PLCL1: variants seen among roughly 807,000 people sequenced by gnomAD.
PLCL1 encodes the protein inactive phospholipase C-like protein 1.
Under a neutral mutation model 84.4 loss-of-function variants are expected in PLCL1, and 41 were observed. The ratio of observed to expected loss-of-function variants is 0.49; its 90% CI spans 0.38 to 0.63. The LOEUF (loss-of-function observed/expected upper bound fraction) is 0.63. Among genes scored for constraint, PLCL1 ranks in the 30% least tolerant of loss-of-function variants. PLCL1 has a pLI of 0.00. For missense variants in PLCL1, 1,206 were observed against 1,367.8 expected, an observed-to-expected ratio of 0.88 and a Z score of 1.87; for synonymous variants, 490 against 488.3, an observed-to-expected ratio of 1.00 and a Z score of -0.05.
At position 198,009,838 on chromosome 2, in the gene PLCL1, AT is replaced by A. The variant is rs369218098; in HGVS notation, c.241-73919del. Among the ~76,000 whole-genome samples, 45 of 151,996 alleles carry A rather than the reference AT, an allele frequency of 3.0e-4. 1 individual carries two copies. The highest frequency in any genetic ancestry group is 1.1e-3 in the African/African-American group (44 of 41,514). ...ATGGGATGTCTTTCCATTTACTTGT[AT>A]CTTCTTTGATTTCTTTTTGCAATGT... On this transcript the variant is annotated intron_variant, in intron 1 of 5. Transcript: ENST00000428675.
At position 198,137,660 on chromosome 2, in the gene PLCL1, A is replaced by C. The variant is rs1694286795; in HGVS notation, c.3106-9120A>C. Among the ~76,000 whole-genome samples, 3 of 152,288 alleles carry C rather than the reference A, an allele frequency of 2.0e-5. No homozygotes were observed. In the South Asian group the frequency reaches 6.2e-4, roughly 32 times the overall value. On this transcript the variant is annotated intron_variant, in intron 5 of 5. Coordinates refer to ENST00000428675, the MANE Select transcript of PLCL1 (RefSeq NM_006226.4). The stretch of plus-strand genomic sequence containing the variant: ...ATCATAAGATGCCAAGAAATAAATG[A>C]AGATGCCTGCTCATCTTGCAAATCA...
chr2:197,995,760 C>G (rs1457405373), intron 1 of PLCL1, among the ~76,000 whole-genome samples: 1 of 152,288 alleles, frequency 6.6e-6, no homozygotes, highest in South Asian at 2.1e-4. Flanking sequence ...GAGGAAATCA[C>G]TTAATGGGGG....
intron 1 of PLCL1, among the ~76,000 whole-genome samples, chr2:198,012,821 G>A (rs1049720344): frequency 7.9e-5 from 12 of 151,752 alleles, no homozygotes; most frequent in African/African-American, 2.9e-4. Context: ...ACTGAAAGAG[G>A]TTTAGTGTTC....
intron 1 of PLCL1, among the ~76,000 whole-genome samples, chr2:197,948,020 T>C (rs1689315603): frequency 6.6e-6 from 1 of 152,134 alleles, no homozygotes; most frequent in Non-Finnish European, 1.5e-5. Flanking sequence ...AGATTAAGAA[T>C]GAGTGAGGAG....
chr2:198,039,378 T>C (rs538671928), intron 1 of PLCL1, among the ~76,000 whole-genome samples: 1 of 152,336 alleles, frequency 6.6e-6, no homozygotes, highest in African/African-American at 2.4e-5. Context: ...TGTTGAAATC[T>C]TATTCCTGTA....
Position 198,024,040 on chromosome 2 carries a change from A to T in PLCL1, c.241-59718A>T, listed in dbSNP as rs189738852. 6.0e-4 allele frequency among the ~76,000 whole-genome samples: 92 copies of T among 152,334 alleles called. 3 individuals carry two copies. In the South Asian group the frequency reaches 0.013, roughly 22 times the overall value. ...AGATTGGATAAAGAAAATGTGGCAC[A>T]TATACACCATGGAATACTATGCAGC... On this transcript the variant is annotated intron_variant, in intron 1 of 5. Transcript: ENST00000428675.
At chr2:198,019,996 G>A (rs534761274) in intron 1 of PLCL1, among the ~76,000 whole-genome samples, 15 of 152,260 alleles carry the variant, frequency 9.9e-5, no homozygotes, top group African/African-American at 2.2e-4. Flanking sequence ...GAGAAAAATC[G>A]AGTTACCCAC....
intron 1 of PLCL1, among the ~76,000 whole-genome samples, chr2:198,016,252 G>A (rs1690994660): frequency 6.6e-6 from 1 of 151,954 alleles, no homozygotes; most frequent in African/African-American, 2.4e-5. Flanking sequence ...TAGGAGAGCA[G>A]GTTGGAAGAA....
At chr2:198,013,323 G>A (rs1329239583) in intron 1 of PLCL1, among the ~76,000 whole-genome samples, 1 of 152,054 alleles carries the variant, frequency 6.6e-6, no homozygotes, top group Non-Finnish European at 1.5e-5. Context: ...TGGTGATATT[G>A]AAGATCAGTT....
In PLCL1 at chr2:198,084,075, G is replaced by A. The variant is rs371691357; in HGVS notation, c.558G>A (p.Glu186=). The A allele has an allele frequency of 4.3e-6, 7 of 1,614,016 alleles. No homozygotes were observed. Among genetic ancestry groups the A allele is most frequent in the Non-Finnish European group, 5.1e-6 (6 of 1,179,996 alleles). The part of the protein sequence containing the change: ...RNNGLADQIC[E]DCAFSILHGE... ...ATGGCCTTGCTGACCAGATCTGTGA[G>A]GACTGTGCCTTTTCCATACTCCACG... Residue 186 remains glutamate, a synonymous_variant, in exon 2 of 6, where the codon GAG becomes GAA. Coordinates refer to ENST00000428675, the MANE Select transcript of PLCL1 (RefSeq NM_006226.4).
intron 1 of PLCL1, among the ~76,000 whole-genome samples, chr2:197,833,557 T>G (rs555683390): frequency 2.0e-5 from 3 of 152,272 alleles, no homozygotes; most frequent in Admixed American, 2.0e-4. Flanking sequence ...AGCCAAATCA[T>G]GAGTGAACTC....
At chr2:197,999,019 C>T (rs887903261) in intron 1 of PLCL1, among the ~76,000 whole-genome samples, 3 of 152,190 alleles carry the variant, frequency 2.0e-5, no homozygotes, top group African/African-American at 7.2e-5. Context: ...TAAGGAACCT[C>T]CCAACAGGAG....
intron 1 of PLCL1, among the ~76,000 whole-genome samples, chr2:198,003,742 C>G (rs921729792): frequency 7.2e-5 from 11 of 152,162 alleles, no homozygotes; most frequent in African/African-American, 2.4e-4. Flanking sequence ...ATGGTCTATG[C>G]AAATAACTTC....
At position 197,915,832 on chromosome 2, in the gene PLCL1, G is replaced by A. The variant is rs138293507; in HGVS notation, c.240+110493G>A. ...ATGCGAAGGCTGAGAGAGATACAGA[G>A]ATGAAGGATGATTTCTTTACCAATG... On this transcript the variant is annotated intron_variant, in intron 1 of 5. Coordinates refer to ENST00000428675, the MANE Select transcript of PLCL1 (RefSeq NM_006226.4). 4.6e-5 allele frequency among the ~76,000 whole-genome samples: 7 copies of A among 152,302 alleles called. No individual in the cohort carries two copies. In the East Asian group the frequency reaches 9.6e-4, roughly 21 times the overall value.
At chr2:198,115,878 A>G (rs1204741738) in intron 5 of PLCL1, among the ~76,000 whole-genome samples, 1 of 150,936 alleles carries the variant, frequency 6.6e-6, no homozygotes, top group Non-Finnish European at 1.5e-5. Flanking sequence ...GTGAGATTTG[A>G]GCGAGGACAC....
At chr2:198,011,486 A>G (rs1360772164) in intron 1 of PLCL1, among the ~76,000 whole-genome samples, 1 of 151,952 alleles carries the variant, frequency 6.6e-6, no homozygotes, top group Non-Finnish European at 1.5e-5. Flanking sequence ...ATTTTATATG[A>G]TTTCAATCTT....
chr2:198,062,444 T>A (rs746502752), intron 1 of PLCL1, among the ~76,000 whole-genome samples: 7 of 152,198 alleles, frequency 4.6e-5, no homozygotes, highest in Admixed American at 1.3e-4. Context: ...TATATACTTC[T>A]CTAGAACTGC....
chr2:198,043,881 C>CTTTTTTTT (rs397800019), intron 1 of PLCL1, among the ~76,000 whole-genome samples: 5 of 124,840 alleles, frequency 4.0e-5, no homozygotes, highest in African/African-American at 9.0e-5. Context: ...AATTCTTGTT[C>CTTTTTTTT]TTTTTTTTTT....
chr2:198,076,170 C>CTTTTTT, intron 1 of PLCL1, among the ~76,000 whole-genome samples: 1 of 150,480 alleles, frequency 6.6e-6, no homozygotes, highest in African/African-American at 2.4e-5. Flanking sequence ...GAAATGGACT[C>CTTTTTT]TTTTTTTTTT....
Sources: gnomAD v4.1 joint callset for allele counts (sites outside exome capture counted in the v4.1 genomes callset) on GRCh38, gnomAD v4.1.1 for gene constraint, MANE v1.5 for transcripts, NCBI Gene and HGNC (gene_info 2026-07-23, HGNC 2026-07-21) for gene names.